AFM: variants seen among roughly 807,000 people sequenced by gnomAD.
AFM encodes the protein alpha-Alb.
Under a neutral mutation model 68.7 loss-of-function variants are expected in AFM, and 82 were observed. The observed-to-expected ratio is 1.19, with a 90% confidence interval of 1.00 to 1.43. The LOEUF (loss-of-function observed/expected upper bound fraction) is 1.43. AFM is among the 40% of genes most tolerant of loss of function. The probability of loss-of-function intolerance (pLI) is 0.00; values close to 1 mark genes in which losing one functional copy is unlikely to be tolerated. For missense variants in AFM, 772 were observed against 701.8 expected (o/e 1.10, Z -1.13); for synonymous variants, 250 against 234.2 (o/e 1.07, Z -0.61).
chr4:73,484,192 C>T, intron 2 of AFM, 66 bp from the exon 3 acceptor site: 1 of 1,525,990 alleles, frequency 6.6e-7, no homozygotes, highest in Non-Finnish European at 8.7e-7. Flanking sequence ...GTTCCTGTGA[C>T]TTTTTCTTGA....
At chr4:73,491,827 A>T (rs1721076972) in intron 7 of AFM, 45 bp from the exon 8 acceptor site, 1 of 1,553,962 alleles carries the variant, frequency 6.4e-7, no homozygotes. Flanking sequence ...ATGGAAGAAA[A>T]CCCAGCCTGA....
Position 73,492,020 on chromosome 4 carries a change from G to A in AFM, c.992G>A (p.Gly331Glu), listed in dbSNP as rs867565889. 2.5e-6 allele frequency: 4 copies of A among 1,613,264 alleles called. No homozygotes were observed. Among genetic ancestry groups the A allele is most frequent in the Admixed American group, 1.7e-5 (1 of 59,792 alleles). The change falls in exon 8 of 15, where the codon GGA (glycine) becomes GAA (glutamate). Residue 331 changes from glycine (G) to glutamate (E), a missense_variant. Physicochemically the swap from Gly to Glu is moderately conservative, Grantham distance 98. Transcript: ENST00000226355. ...DRPKDLSLRE[G>E]KFTDSENVCQ... is the part of the protein sequence containing the mutation. ...CCAAAGGATTTATCTCTAAGAGAAG[G>A]AAAATTTACTGACAGTGAAAATGTG...
At chr4:73,501,618 C>T (rs1721425866) in intron 12 of AFM, among the ~76,000 whole-genome samples, 169 bp from the exon 13 acceptor site, 1 of 151,942 alleles carries the variant, frequency 6.6e-6, no homozygotes, top group Non-Finnish European at 1.5e-5. Context: ...AAACCATTCT[C>T]TAAATTTAAT....
intron 7 of AFM, among the ~76,000 whole-genome samples, chr4:73,490,914 T>C (rs1319333348): frequency 3.3e-5 from 5 of 152,220 alleles, no homozygotes; most frequent in African/African-American, 4.8e-5. Context: ...GTTGGAAACA[T>C]GGTGCCGATC....
chr4:73,484,539 T>A, intron 3 of AFM, 149 bp downstream of exon 3: 2 of 755,516 alleles, frequency 2.6e-6, no homozygotes, highest in Middle Eastern at 4.0e-4. Flanking sequence ...CTTTCTTTCC[T>A]TCTTTTTTTT....
intron 7 of AFM, among the ~76,000 whole-genome samples, chr4:73,491,394 G>T (rs1256809840): frequency 6.6e-6 from 1 of 152,164 alleles, no homozygotes; most frequent in African/African-American, 2.4e-5. Context: ...GGTAGTTGCT[G>T]TAGTTCACTC....
chr4:73,491,805 C>T (rs1357976714), intron 7 of AFM, 67 bp from the exon 8 acceptor site: 1 of 1,306,340 alleles, frequency 7.7e-7, no homozygotes, highest in Non-Finnish European at 1.1e-6. Flanking sequence ...TTTTGCATGC[C>T]ATCATTCCAT....
intron 7 of AFM, among the ~76,000 whole-genome samples, chr4:73,490,187 C>CAAAA (rs374246384): frequency 8.6e-5 from 8 of 92,802 alleles, no homozygotes; most frequent in Admixed American, 3.2e-4. Context: ...AACCTTATTT[C>CAAAA]AAAAAAAAAA....
rs1360503680 is a variant in AFM, at chr4:73,500,090, T to C, written c.1509T>C (p.Phe503=). 1 of 1,614,080 alleles carries C rather than the reference T, an allele frequency of 6.2e-7. No individual in the cohort carries two copies. The highest frequency in any genetic ancestry group is 1.7e-5 in the Admixed American group (1 of 60,002). Residue 503 remains phenylalanine (F), a synonymous_variant, in exon 12 of 15, where the codon TTT becomes TTC. Coordinates refer to ENST00000226355, the MANE Select transcript of AFM (RefSeq NM_001133.2). ...PAVDHCCKTN[F]AFRRPCFESL... ...TGGACCACTGCTGTAAAACAAACTT[T>C]GCCTTCAGAAGGCCCTGCTTTGAGA...
chr4:73,495,336 G>A lies in AFM; in HGVS notation c.1095G>A (p.Leu365=). The A allele has an allele frequency of 6.2e-7, 1 of 1,611,930 alleles. No individual in the cohort carries two copies. The highest frequency in any genetic ancestry group is 1.1e-5 in the South Asian group (1 of 90,672). The change falls in exon 9 of 15, where the codon CTG becomes CTA. Residue 365 remains leucine, a synonymous_variant. Coordinates refer to ENST00000226355, the MANE Select transcript of AFM (RefSeq NM_001133.2). ...AATACTCAAGGAGACATCCAGACCT[G>A]TCTATACCAGAGCTTTTAAGAATTG... The part of the protein sequence containing the change: ...TFEYSRRHPD[L]SIPELLRIVQ...
At chr4:73,500,546 G>T (rs1721400049) in intron 12 of AFM, among the ~76,000 whole-genome samples, 2 of 152,136 alleles carry the variant, frequency 1.3e-5, no homozygotes, top group South Asian at 4.1e-4. Context: ...AATGCCCGGA[G>T]AATATCATTT....
chr4:73,498,153 C>T (rs567027634), intron 10 of AFM, among the ~76,000 whole-genome samples: 2 of 152,260 alleles, frequency 1.3e-5, no homozygotes, highest in East Asian at 3.9e-4. Context: ...ATAGAAATAA[C>T]TCAGGATGTG....
chr4:73,484,309 G>A lies in AFM; in HGVS notation c.189G>A (p.Met63Ile). Reference sequence around the variant, plus strand: ...TTCAGGAAGCAACCTTTGAAGAAATGGAAAAGCTGGTGAAAGACATGGTAG... The same window carrying A: ...TTCAGGAAGCAACCTTTGAAGAAATAGAAAAGCTGGTGAAAGACATGGTAG... ...QYVQEATFEE[M>I]EKLVKDMVEY... Residue 63 changes from methionine (M) to isoleucine (I), a missense_variant, in exon 3 of 15, where the codon ATG (methionine) becomes ATA (isoleucine). Coordinates refer to ENST00000226355, the MANE Select transcript of AFM (RefSeq NM_001133.2). 1 of 1,613,450 alleles carries A rather than the reference G, an allele frequency of 6.2e-7. No individual in the cohort carries two copies. The highest frequency in any genetic ancestry group is 8.5e-7 in the Non-Finnish European group (1 of 1,179,762).
chr4:73,488,706 T>C lies in AFM; in HGVS notation c.790T>C (p.Ser264Pro). 1 of 1,613,516 alleles carries C rather than the reference T, an allele frequency of 6.2e-7. No individual in the cohort carries two copies. The highest frequency in any genetic ancestry group is 8.5e-7 in the Non-Finnish European group (1 of 1,179,650). Residue 264 changes from serine (S) to proline (P), a missense_variant, in exon 7 of 15, where the codon TCC becomes CCC. Ser to Pro is a moderately conservative substitution (Grantham distance 74). Coordinates refer to ENST00000226355, the MANE Select transcript of AFM (RefSeq NM_001133.2). ...TATTTCTCTTGTAGAAGATGTTTCT[T>C]CCAACTATGATGGATGCTGTGAAGG... ...ELISLVEDVSSNYDGCCEGDV... is the reference protein window; with the variant it reads ...ELISLVEDVSPNYDGCCEGDV...
intron 2 of AFM, 27 bp from the exon 3 acceptor site, chr4:73,484,231 T>C (rs371144053): frequency 3.0e-5 from 48 of 1,592,512 alleles, no homozygotes; most frequent in Admixed American, 9.2e-5. Context: ...CAACTGATCT[T>C]TGTATACCCC....
At chr4:73,489,616 T>C (rs967308702) in intron 7 of AFM, among the ~76,000 whole-genome samples, 1 of 152,214 alleles carries the variant, frequency 6.6e-6, no homozygotes, top group African/African-American at 2.4e-5. Context: ...TCTGTCCTAA[T>C]GAAATTTTGT....
chr4:73,486,218 C>T (rs1241061483), intron 4 of AFM, 145 bp downstream of exon 4: 1 of 745,176 alleles, frequency 1.3e-6, no homozygotes, highest in Non-Finnish European at 2.2e-6. Flanking sequence ...GTGTCAGATA[C>T]TGTGCTCAGT....
intron 3 of AFM, 25 bp downstream of exon 3, chr4:73,484,415 T>C: frequency 6.7e-7 from 1 of 1,488,694 alleles, no homozygotes; most frequent in Non-Finnish European, 9.0e-7. Flanking sequence ...TGTGTTTCTT[T>C]TCCTTTTATC....
At chr4:73,488,575 A>G in intron 6 of AFM, 55 bp from the exon 7 acceptor site, 1 of 1,521,220 alleles carries the variant, frequency 6.6e-7, no homozygotes, top group Non-Finnish European at 9.0e-7. Flanking sequence ...AATTACTCCC[A>G]CTTGTTCTAC....
Sources: allele counts gnomAD v4.1 joint callset (sites outside exome capture counted in the v4.1 genomes callset), GRCh38; gene constraint gnomAD v4.1.1; transcripts MANE v1.5; gene names NCBI Gene and HGNC (gene_info 2026-07-23, HGNC 2026-07-21).